SUSD1: variants seen among roughly 807,000 people sequenced by gnomAD.
The protein encoded by SUSD1 is sushi domain containing 1, also known as sushi domain-containing protein 1.
Under a neutral mutation model 86.9 loss-of-function variants are expected in SUSD1, and 65 were observed. That is an observed-to-expected ratio of 0.75 (90% CI 0.61 to 0.92). SUSD1 has a LOEUF of 0.92. Ranked by LOEUF, SUSD1 falls within the 40% of genes least tolerant of loss-of-function variation. The pLI is 0.00. For missense variants in SUSD1, 850 were observed against 929.7 expected, an observed-to-expected ratio of 0.91 and a Z score of 1.11; for synonymous variants, 346 against 350.0, an observed-to-expected ratio of 0.99 and a Z score of 0.13.
intron 6 of SUSD1, among the ~76,000 whole-genome samples, chr9:112,122,852 A>G (rs1025825203): frequency 2.6e-5 from 4 of 152,236 alleles, no homozygotes; most frequent in African/African-American, 9.6e-5. Context: ...CATTATGCTT[A>G]GTGAAATAAG....
intron 9 of SUSD1, among the ~76,000 whole-genome samples, chr9:112,099,296 C>T (rs567234043): frequency 1.3e-5 from 2 of 152,346 alleles, no homozygotes; most frequent in African/African-American, 4.8e-5. Context: ...CCACCTCAGC[C>T]TCCCAAAGTG....
intron 2 of SUSD1, among the ~76,000 whole-genome samples, chr9:112,150,691 C>G (rs537720316): frequency 1.3e-4 from 20 of 152,226 alleles, no homozygotes; most frequent in African/African-American, 3.6e-4. Flanking sequence ...AGGCTAGAAA[C>G]CTGTATAGCA....
chr9:112,146,149 T>G (rs1832800144), intron 3 of SUSD1: 1 of 151,774 alleles, frequency 6.6e-6, no homozygotes, highest in South Asian at 2.1e-4. Flanking sequence ...TAAAGCCCGC[T>G]GATGTTTCTC....
chr9:112,111,368 G>C (rs748305233), intron 8 of SUSD1, among the ~76,000 whole-genome samples: 19 of 152,132 alleles, frequency 1.2e-4, no homozygotes, highest in Non-Finnish European at 2.2e-4. Context: ...TTTGAGAGTG[G>C]ACTGATCATC....
chr9:112,115,061 T>C (rs1173622347), intron 6 of SUSD1, among the ~76,000 whole-genome samples: 1 of 152,122 alleles, frequency 6.6e-6, no homozygotes, highest in Non-Finnish European at 1.5e-5. Flanking sequence ...CTAAGAAGAG[T>C]GAGAAAGCTA....
rs1832565423 is a variant in SUSD1 at position 112,141,589 on chromosome 9, A to C, written c.706+731T>G. Among the ~76,000 whole-genome samples, 4 of 151,488 alleles carry C rather than the reference A, an allele frequency of 2.6e-5. No homozygotes were observed. The Admixed American group carries it at 2.6e-4, about 10-fold the overall frequency. On this transcript the variant is annotated intron_variant, in intron 5 of 16. Transcript: ENST00000374270. ...CTACTCGAGTGGATGAGTCATGAGA[A>C]TCGCTTGAACCCAGGAGGCAGAGGT...
rs146731971 is a variant in SUSD1, at chr9:112,065,275, C to T, written c.1754-2242G>A. Among the ~76,000 whole-genome samples, 549 of 152,310 alleles carry T rather than the reference C, an allele frequency of 3.6e-3. 2 individuals are homozygous for T. The highest frequency in any genetic ancestry group is 0.012 in the African/African-American group (508 of 41,580). ...CAGTGGCTCATGCCTGTAATCCCAG[C>T]ACTTTGGGAGGCAGAGGTGGGCGGA... On this transcript the variant is annotated intron_variant, in intron 12 of 16. Coordinates refer to ENST00000374270, the MANE Select transcript of SUSD1 (RefSeq NM_022486.5).
intron 2 of SUSD1, among the ~76,000 whole-genome samples, chr9:112,155,155 G>A (rs911095222): frequency 1.3e-5 from 2 of 151,934 alleles, no homozygotes; most frequent in African/African-American, 4.8e-5. Context: ...GGAGGCTGAG[G>A]CAGGAGAATC....
chr9:112,161,032 A>T (rs1240568855), intron 1 of SUSD1, among the ~76,000 whole-genome samples: 1 of 152,184 alleles, frequency 6.6e-6, no homozygotes, highest in Admixed American at 6.5e-5. Flanking sequence ...ACACATTAAC[A>T]TTTTAGCACA....
intron 10 of SUSD1, among the ~76,000 whole-genome samples, chr9:112,091,515 G>A (rs1387285720): frequency 6.6e-6 from 1 of 151,942 alleles, no homozygotes; most frequent in African/African-American, 2.4e-5. Flanking sequence ...CATTATTTTG[G>A]GAATATCTAA....
rs367869683 is a variant in SUSD1, at chr9:112,157,551, T to C, written c.166A>G (p.Ile56Val). The change falls in exon 2 of 17, where the codon ATC becomes GTC. Residue 56 changes from isoleucine to valine, a missense_variant. Physicochemically the swap from Ile to Val is conservative, Grantham distance 29 (BLOSUM62 3). Transcript: ENST00000374270. ...ATCQQREGKK[I>V]CICNYGFVGN... Reference sequence around the variant, plus strand: ...ACAAATCCATAGTTGCAAATACAGATCTTCTTCCCTTCTCTTTGCTGGCAT... The same window carrying C: ...ACAAATCCATAGTTGCAAATACAGACCTTCTTCCCTTCTCTTTGCTGGCAT... 4.3e-5 allele frequency: 70 copies of C among 1,614,068 alleles called. No homozygotes were observed. Among genetic ancestry groups the C allele is most frequent in the Non-Finnish European group, 5.7e-5 (67 of 1,180,034 alleles).
chr9:112,164,262 A>AGGT (rs1181719468), intron 1 of SUSD1, among the ~76,000 whole-genome samples: 1 of 152,182 alleles, frequency 6.6e-6, no homozygotes, highest in Admixed American at 6.6e-5. Context: ...GAAGGCAGCC[A>AGGT]GGTATAGGGG....
At chr9:112,074,789 G>A (rs1829441368) in intron 12 of SUSD1, among the ~76,000 whole-genome samples, 1 of 151,180 alleles carries the variant, frequency 6.6e-6, no homozygotes, top group East Asian at 1.9e-4. Context: ...AAAAGAAAGG[G>A]GTTGGTTTTT....
At chr9:112,055,368 A>T (rs1056233496) in intron 14 of SUSD1, among the ~76,000 whole-genome samples, 1 of 152,190 alleles carries the variant, frequency 6.6e-6, no homozygotes, top group African/African-American at 2.4e-5. Flanking sequence ...TCAAGGCTGC[A>T]GTGACCTGTG....
At chr9:112,094,654 G>A (rs1175622114) in intron 10 of SUSD1, among the ~76,000 whole-genome samples, 1 of 152,204 alleles carries the variant, frequency 6.6e-6, no homozygotes, top group Non-Finnish European at 1.5e-5. Context: ...AGGGAGAAAC[G>A]ATAAGATTAG....
At chr9:112,163,941 C>T (rs957929885) in intron 1 of SUSD1, among the ~76,000 whole-genome samples, 3 of 151,760 alleles carry the variant, frequency 2.0e-5, no homozygotes, top group African/African-American at 7.3e-5. Flanking sequence ...GCAGAGGTTG[C>T]AGTGAGCCAA....
intron 2 of SUSD1, among the ~76,000 whole-genome samples, chr9:112,155,744 T>G (rs1833271103): frequency 6.6e-6 from 1 of 151,788 alleles, no homozygotes; most frequent in Admixed American, 6.6e-5. Context: ...GGAGGATCAC[T>G]TGAGCCCAGG....
At chr9:112,155,248 CAAA>C (rs745565121) in intron 2 of SUSD1, among the ~76,000 whole-genome samples, 2 of 124,856 alleles carry the variant, frequency 1.6e-5, no homozygotes, top group African/African-American at 3.0e-5. Flanking sequence ...GAGACGCCAT[CAAA>C]AAAAAAAAAA....
At chr9:112,079,701 C>T (rs1195992667) in intron 11 of SUSD1, among the ~76,000 whole-genome samples, 1 of 151,594 alleles carries the variant, frequency 6.6e-6, no homozygotes, top group Non-Finnish European at 1.5e-5. Context: ...CTCTTGGGTT[C>T]AAGCTATTCT....
Sources: gnomAD v4.1 joint callset for allele counts (sites outside exome capture counted in the v4.1 genomes callset) on GRCh38, gnomAD v4.1.1 for gene constraint, MANE v1.5 for transcripts, NCBI Gene and HGNC (gene_info 2026-07-23, HGNC 2026-07-21) for gene names.